The following PARD3B variants were observed in gnomAD, a reference collection of about 807,000 sequenced individuals.
PARD3B encodes the protein partitioning defective 3 homolog B.
Under a neutral mutation model 130.2 loss-of-function variants are expected in PARD3B, and 103 were observed. The ratio of observed to expected loss-of-function variants is 0.79; its 90% CI spans 0.67 to 0.93. PARD3B has a LOEUF of 0.93. Ranked by LOEUF, PARD3B falls within the 40% of genes least tolerant of loss-of-function variation. The probability of loss-of-function intolerance (pLI) is 0.00; values close to 1 mark genes in which losing one functional copy is unlikely to be tolerated. For missense variants in PARD3B, 1,609 were observed against 1,499.2 expected (o/e 1.07, Z -1.21); for synonymous variants, 583 against 553.2 (o/e 1.05, Z -0.76).
intron 18 of PARD3B, among the ~76,000 whole-genome samples, chr2:205,389,963 G>A (rs959804807): frequency 2.0e-5 from 3 of 152,056 alleles, no homozygotes; most frequent in African/African-American, 4.8e-5. Context: ...ATTCAAAATT[G>A]CTTTTACATT....
chr2:204,708,157 T>C (rs893614631), intron 2 of PARD3B, among the ~76,000 whole-genome samples: 1 of 152,126 alleles, frequency 6.6e-6, no homozygotes, highest in African/African-American at 2.4e-5. Context: ...AGACAGATTT[T>C]TTTAATTGAT....
intron 4 of PARD3B, among the ~76,000 whole-genome samples, chr2:205,080,798 G>A (rs1422955383): frequency 6.6e-6 from 1 of 152,034 alleles, no homozygotes; most frequent in East Asian, 1.9e-4. Flanking sequence ...GGTACTGTTT[G>A]CCTTTTTCAT....
At chr2:204,892,050 A>T (rs2046468649) in intron 2 of PARD3B, among the ~76,000 whole-genome samples, 1 of 152,222 alleles carries the variant, frequency 6.6e-6, no homozygotes. Context: ...GGAGAGAGAC[A>T]ATATAACATT....
At chr2:204,821,539 C>G (rs911065549) in intron 2 of PARD3B, among the ~76,000 whole-genome samples, 5 of 113,476 alleles carry the variant, frequency 4.4e-5, no homozygotes, top group Admixed American at 1.3e-4. Flanking sequence ...ATCACACTCT[C>G]GGGACTGTTG....
rs1267546985 is a variant in PARD3B, at chr2:205,550,976, T to TATATAC, written c.3181-2347_3181-2346insTATACA. ...ATGTGTATATATATATATATATATA[T>TATATAC]ACACACACACACACACACACACACA... On this transcript the variant is annotated intron_variant, in intron 21 of 22. Coordinates refer to ENST00000406610, the MANE Select transcript of PARD3B (RefSeq NM_001302769.2). This position sits in a 1 kb window ranked among gnomAD's most constrained non-coding sequence, Gnocchi z 4.5. Among the ~76,000 whole-genome samples the TATATAC allele has an allele frequency of 3.9e-4, 49 of 125,596 alleles. No individual in the cohort carries two copies. The highest frequency in any genetic ancestry group is 1.3e-3 in the African/African-American group (43 of 32,294). 82.4% of individuals were successfully genotyped at this position (125,596 alleles called of 152,430 possible).
chr2:204,949,181 C>T (rs1482562860), intron 2 of PARD3B, among the ~76,000 whole-genome samples: 3 of 152,160 alleles, frequency 2.0e-5, no homozygotes, highest in Non-Finnish European at 4.4e-5. Context: ...CTCTTAACCC[C>T]AATATCAATA....
chr2:205,044,488 G>T, intron 3 of PARD3B, among the ~76,000 whole-genome samples: 1 of 147,670 alleles, frequency 6.8e-6, no homozygotes. Flanking sequence ...ACTTTTTAAT[G>T]ATTGCCATTC....
rs983154150 is a variant in PARD3B at position 205,122,748 on chromosome 2, T to C, written c.1165+799T>C. On this transcript the variant is annotated intron_variant, in intron 8 of 22. Transcript: ENST00000406610. The surrounding 1 kb of genome is among the most constrained non-coding windows in gnomAD (Gnocchi z 4.3). ...GGTCAAAAGGTAGTTTTAGAAAAAC[T>C]ATTAAGGTCTTTCAAAAACAAATAA... Among the ~76,000 whole-genome samples, 4 of 152,248 alleles carry C rather than the reference T, an allele frequency of 2.6e-5. No individual in the cohort carries two copies. Among genetic ancestry groups the C allele is most frequent in the African/African-American group, 9.6e-5 (4 of 41,472 alleles).
rs183560496 is a variant in PARD3B at position 205,555,060 on chromosome 2, C to T, written c.3260+1657C>T. Among the ~76,000 whole-genome samples, 32 of 152,172 alleles carry T rather than the reference C, an allele frequency of 2.1e-4. No individual in the cohort carries two copies. The East Asian group carries it at 4.1e-3, about 19-fold the overall frequency. On this transcript the variant is annotated intron_variant, in intron 22 of 22. Coordinates refer to ENST00000406610, the MANE Select transcript of PARD3B (RefSeq NM_001302769.2). ...AAATTTGTTTTACATATAAGATTTC[C>T]GGCTTTCACTGTTGAAGTATATGGA... is the stretch of plus-strand genomic sequence containing the variant.
At chr2:204,683,767 G>A (rs1040746518) in intron 1 of PARD3B, among the ~76,000 whole-genome samples, 2 of 152,124 alleles carry the variant, frequency 1.3e-5, no homozygotes, top group African/African-American at 2.4e-5. Context: ...CAATATCAAT[G>A]TGGAATAGGG....
intron 15 of PARD3B, among the ~76,000 whole-genome samples, chr2:205,197,032 G>GGGTGTGTGT (rs1553636919): frequency 2.9e-4 from 16 of 55,232 alleles, no homozygotes; most frequent in Admixed American, 1.3e-3. Flanking sequence ...GTGGGGGGGG[G>GGGTGTGTGT]GTGTGTGTGT....
chr2:204,682,590 A>G (rs1340339241), intron 1 of PARD3B, among the ~76,000 whole-genome samples: 1 of 152,216 alleles, frequency 6.6e-6, no homozygotes, highest in Non-Finnish European at 1.5e-5. Flanking sequence ...TAGTAAAAAC[A>G]TTAAGCCACC....
At chr2:204,740,436 C>T (rs1209947311) in intron 2 of PARD3B, among the ~76,000 whole-genome samples, 1 of 152,176 alleles carries the variant, frequency 6.6e-6, no homozygotes, top group East Asian at 1.9e-4. Context: ...TGTAAACAAG[C>T]CAGCTTAGCC....
intron 2 of PARD3B, among the ~76,000 whole-genome samples, chr2:204,881,651 G>A (rs1448495736): frequency 6.6e-6 from 1 of 152,204 alleles, no homozygotes; most frequent in African/African-American, 2.4e-5. Flanking sequence ...CTGAGAAAGG[G>A]CTTCTTTGAA....
intron 2 of PARD3B, among the ~76,000 whole-genome samples, chr2:204,720,471 A>C (rs1164956854): frequency 1.3e-5 from 2 of 152,232 alleles, no homozygotes; most frequent in African/African-American, 4.8e-5. Context: ...TAACATTCAA[A>C]GAAGTTATCA....
intron 14 of PARD3B, among the ~76,000 whole-genome samples, chr2:205,188,209 C>T (rs1167554144): frequency 2.0e-5 from 3 of 152,174 alleles, no homozygotes; most frequent in Admixed American, 6.5e-5. Flanking sequence ...TCTTGGAAAA[C>T]GGAAGAAAGC....
rs1220449082 is a variant in PARD3B, at chr2:205,105,146, A to G, written c.593+632A>G. 6.6e-6 allele frequency among the ~76,000 whole-genome samples: 1 copy of G among 152,144 alleles called. No homozygotes were observed. The highest frequency in any genetic ancestry group is 1.5e-5 in the Non-Finnish European group (1 of 68,034). ...CTAGTCCTGTGAGCTTAGACAAGTT[A>G]CTCATTTCTCTTTCTCTTAGTTTCT... On this transcript the variant is annotated intron_variant, in intron 5 of 22. Coordinates refer to ENST00000406610, the MANE Select transcript of PARD3B (RefSeq NM_001302769.2). The surrounding 1 kb of genome is among the most constrained non-coding windows in gnomAD (Gnocchi z 4.0).
intron 15 of PARD3B, among the ~76,000 whole-genome samples, chr2:205,235,127 A>C (rs1246994657): frequency 1.3e-5 from 2 of 152,190 alleles, no homozygotes; most frequent in Non-Finnish European, 1.5e-5. Flanking sequence ...CACTTAAAAA[A>C]ATGGTAAGAG....
intron 20 of PARD3B, among the ~76,000 whole-genome samples, chr2:205,462,553 CCTG>C (rs764893052): frequency 2.6e-4 from 40 of 152,154 alleles, no homozygotes; most frequent in Non-Finnish European, 3.2e-4. Context: ...TTGAAAACAG[CCTG>C]CTATTTTTCC....
Sources: gnomAD v4.1 joint callset for allele counts (sites outside exome capture counted in the v4.1 genomes callset) on GRCh38, gnomAD v4.1.1 for gene constraint, Gnocchi (gnomAD v3.1) non-coding constraint, MANE v1.5 for transcripts, NCBI Gene and HGNC (gene_info 2026-07-23, HGNC 2026-07-21) for gene names.